Variants in LIN9 observed in about 807,000 individuals in gnomAD.
LIN9 encodes lin-9 DREAM MuvB core complex component, also known as protein lin-9 homolog.
In LIN9, 18 loss-of-function variants were observed where a neutral mutation model predicts 78.0. The observed-to-expected ratio is 0.23, with a 90% CI of 0.16 to 0.34. The LOEUF is 0.34. Among genes scored for constraint, LIN9 ranks in the 10% least tolerant of loss-of-function variants. The pLI is 1.00. For missense variants in LIN9, 451 were observed against 644.1 expected, an observed-to-expected ratio of 0.70 and a Z score of 3.25; for synonymous variants, 192 against 215.2, an observed-to-expected ratio of 0.89 and a Z score of 0.94.
chr1:226,306,072 C>A (rs972189418), intron 1 of LIN9, among the ~76,000 whole-genome samples: 8 of 152,092 alleles, frequency 5.3e-5, no homozygotes, highest in Non-Finnish European at 2.9e-5. Flanking sequence ...CCCCTGTAAT[C>A]CCAGCACTTT....
intron 11 of LIN9, among the ~76,000 whole-genome samples, chr1:226,248,079 T>C (rs1658598875): frequency 6.6e-6 from 1 of 152,194 alleles, no homozygotes; most frequent in African/African-American, 2.4e-5. Context: ...CCAAATTACC[T>C]AGTCTACTCT....
intron 3 of LIN9, 46 bp from the exon 4 acceptor site, chr1:226,295,992 A>T (rs767182273): frequency 7.5e-7 from 1 of 1,324,536 alleles, no homozygotes; most frequent in Non-Finnish European, 1.1e-6. Context: ...GAACCCTCCC[A>T]TTTTTGTTCC....
At chr1:226,263,065 A>T (rs1659694359) in intron 10 of LIN9, among the ~76,000 whole-genome samples, 1 of 152,254 alleles carries the variant, frequency 6.6e-6, no homozygotes, top group Non-Finnish European at 1.5e-5. Flanking sequence ...GACTTCAAAT[A>T]TATGACAGTC....
intron 6 of LIN9, among the ~76,000 whole-genome samples, chr1:226,284,238 C>T (rs1310359953): frequency 1.3e-5 from 2 of 152,076 alleles, no homozygotes. Context: ...GTGACTGTAT[C>T]TGGATTTTCT....
At chr1:226,283,925 G>C (rs35632568) in intron 6 of LIN9, among the ~76,000 whole-genome samples, 22,442 of 151,824 alleles carry the variant, frequency 0.15, 1,827 homozygotes, top group East Asian at 0.22. Flanking sequence ...CTGGGTGACA[G>C]AGCAAGACTC....
intron 7 of LIN9, among the ~76,000 whole-genome samples, chr1:226,272,111 A>C (rs1248635735): frequency 6.7e-6 from 1 of 149,700 alleles, no homozygotes; most frequent in East Asian, 2.0e-4. Context: ...TGCAGAGTAC[A>C]GTGGGTGAGA....
At chr1:226,305,315 G>GAAAAAAAAAAAAAA (rs111859953) in intron 1 of LIN9, among the ~76,000 whole-genome samples, 2 of 77,452 alleles carry the variant, frequency 2.6e-5, no homozygotes, top group East Asian at 3.9e-4. Flanking sequence ...ACAAAAAAAA[G>GAAAAAAAAAAAAAA]AAAAAAAAAA....
At position 226,268,033 on chromosome 1, in the gene LIN9, G is replaced by A. The variant is rs1660042383; in HGVS notation, c.740C>T (p.Thr247Ile). The change falls in exon 8 of 15, where the codon ACT (threonine) becomes ATT (isoleucine). Residue 247 changes from threonine (T) to isoleucine (I), a missense_variant. By Grantham distance (89) the Thr-to-Ile change is moderately conservative. Coordinates refer to ENST00000681046, the MANE Select transcript of LIN9 (RefSeq NM_001366245.2). ...AGTTACTCTATAAGTAGCATTAAGA[G>A]TATCCACAGCATCTATTTGTCCAGT... Reference protein sequence around the residue: ...LFTGQIDAVDTLNATYRVTFD... With the variant: ...LFTGQIDAVDILNATYRVTFD... The A allele has an allele frequency of 6.2e-7, 1 of 1,613,842 alleles. No individual in the cohort carries two copies. The highest frequency in any genetic ancestry group is 8.5e-7 in the Non-Finnish European group (1 of 1,179,900).
chr1:226,260,408 TGTA>T (rs1174493387), intron 10 of LIN9, among the ~76,000 whole-genome samples: 1 of 152,074 alleles, frequency 6.6e-6, no homozygotes, highest in Non-Finnish European at 1.5e-5. Context: ...CACAATGGAA[TGTA>T]CTCATAGTCC....
chr1:226,263,521 G>A (rs1301149284), intron 10 of LIN9, among the ~76,000 whole-genome samples: 1 of 152,140 alleles, frequency 6.6e-6, no homozygotes, highest in African/African-American at 2.4e-5. Flanking sequence ...TAGACATAGT[G>A]TAGTAGTACT....
chr1:226,266,592 A>AG (rs370767727), intron 8 of LIN9, among the ~76,000 whole-genome samples: 5,942 of 144,120 alleles, frequency 0.041, 159 homozygotes, highest in Middle Eastern at 0.061. Context: ...ATAAAAAAAA[A>AG]GGGGGGGGGT....
chr1:226,242,854 G>C (rs1270274764), intron 11 of LIN9, among the ~76,000 whole-genome samples: 3 of 151,826 alleles, frequency 2.0e-5, no homozygotes. Context: ...AAACCTTTAT[G>C]ATCTACTCCC....
intron 12 of LIN9, among the ~76,000 whole-genome samples, chr1:226,234,759 A>G (rs1322232472): frequency 2.0e-5 from 3 of 152,162 alleles, no homozygotes; most frequent in Non-Finnish European, 4.4e-5. Context: ...TACATATAGC[A>G]TAAAGATAAA....
At chr1:226,300,218 G>A (rs1189953786) in intron 2 of LIN9, among the ~76,000 whole-genome samples, 1 of 152,220 alleles carries the variant, frequency 6.6e-6, no homozygotes, top group African/African-American at 2.4e-5. Flanking sequence ...GATTACAGGC[G>A]TGAGCCACCG....
At chr1:226,286,220 C>T in intron 6 of LIN9, 113 bp downstream of exon 6, 2 of 1,104,022 alleles carry the variant, frequency 1.8e-6, no homozygotes, top group Non-Finnish European at 2.6e-6. Flanking sequence ...GCCCTGAACC[C>T]CTGGCCTTAA....
chr1:226,308,480 C>G (rs551825857), intron 1 of LIN9, among the ~76,000 whole-genome samples: 2 of 152,276 alleles, frequency 1.3e-5, no homozygotes, highest in South Asian at 2.1e-4. Flanking sequence ...GCTGGATGAT[C>G]TCAGGAAAGG....
At chr1:226,256,300 T>G (rs1370798864) in intron 10 of LIN9, among the ~76,000 whole-genome samples, 1 of 152,012 alleles carries the variant, frequency 6.6e-6, no homozygotes, top group Admixed American at 6.6e-5. Context: ...TCATCTGACT[T>G]CTTCTTAGAA....
At position 226,231,986 on chromosome 1, in the gene LIN9, G is replaced by A; in HGVS notation, c.*515C>T. ...GTCCACATTTCCCATCTATATTTCAGTGGTTTCCTTAAAACTAGGACTTCC... is the reference window on the plus strand; with the variant it reads ...GTCCACATTTCCCATCTATATTTCAATGGTTTCCTTAAAACTAGGACTTCC... On this transcript the variant is annotated 3_prime_UTR_variant, in exon 15 of 15. Transcript: ENST00000681046. 5.0e-6 allele frequency: 2 copies of A among 396,246 alleles called. No individual in the cohort carries two copies. Among genetic ancestry groups the A allele is most frequent in the Non-Finnish European group, 8.9e-6 (2 of 224,802 alleles). The allele number at this position is 396,246 out of a possible 1,614,324, so 24.5% of individuals were successfully genotyped here.
At chr1:226,252,281 AAAAT>A (rs59130234) in intron 10 of LIN9, among the ~76,000 whole-genome samples, 32,332 of 140,522 alleles carry the variant, frequency 0.23, 4,323 homozygotes, top group East Asian at 0.48. Flanking sequence ...ACCCCATCTC[AAAAT>A]AAATAAATAA....
Sources: gnomAD v4.1 joint callset for allele counts (sites outside exome capture counted in the v4.1 genomes callset) on GRCh38, gnomAD v4.1.1 for gene constraint, MANE v1.5 for transcripts, NCBI Gene and HGNC (gene_info 2026-07-23, HGNC 2026-07-21) for gene names.